The following PPFIBP1 variants were observed in gnomAD, a reference collection of about 807,000 sequenced individuals.
The protein encoded by PPFIBP1 is PPFIB scaffold protein 1.
In PPFIBP1, 112 loss-of-function variants were observed where a neutral mutation model predicts 137.8. That is an observed-to-expected ratio of 0.81 (90% CI 0.70 to 0.95). The LOEUF is 0.95. PPFIBP1 is among the 40% of genes least tolerant of loss of function. PPFIBP1 has a pLI of 0.00. For missense variants in PPFIBP1, 1,083 were observed against 1,196.6 expected, an observed-to-expected ratio of 0.91 and a Z score of 1.40; for synonymous variants, 378 against 417.3, an observed-to-expected ratio of 0.91 and a Z score of 1.15.
chr12:27,595,929 C>A (rs2053236204), intron 2 of PPFIBP1, among the ~76,000 whole-genome samples: 1 of 148,614 alleles, frequency 6.7e-6, no homozygotes, highest in African/African-American at 2.5e-5. Context: ...ATATTTTATG[C>A]CCATACCATC....
At position 27,647,748 on chromosome 12, in the gene PPFIBP1, A is replaced by G; in HGVS notation, c.377A>G (p.Gln126Arg). ...LVLQVSVLTDQVEAQGEKIRD... is the reference protein window; with the variant it reads ...LVLQVSVLTDRVEAQGEKIRD... Reference sequence around the variant, plus strand: ...ATACAGGTAAGTGTGTTAACAGACCAGGTGGAGGCTCAGGGAGAGAAGATT... The same window carrying G: ...ATACAGGTAAGTGTGTTAACAGACCGGGTGGAGGCTCAGGGAGAGAAGATT... Residue 126 changes from glutamine (Q) to arginine (R), a missense_variant, in exon 6 of 30, where the codon CAG becomes CGG. Transcript: ENST00000228425. 1 of 1,607,554 alleles carries G rather than the reference A, an allele frequency of 6.2e-7. No individual in the cohort carries two copies. The highest frequency in any genetic ancestry group is 8.5e-7 in the Non-Finnish European group (1 of 1,177,262).
At chr12:27,675,848 G>T (rs576922162) in intron 17 of PPFIBP1, among the ~76,000 whole-genome samples, 3 of 152,118 alleles carry the variant, frequency 2.0e-5, no homozygotes, top group Non-Finnish European at 4.4e-5. Flanking sequence ...GAACCAAAAA[G>T]CTCAAAATAA....
intron 1 of PPFIBP1, among the ~76,000 whole-genome samples, chr12:27,575,196 A>G (rs2136781096): frequency 6.6e-6 from 1 of 152,352 alleles, no homozygotes; most frequent in East Asian, 1.9e-4. Flanking sequence ...GTGTCTTGGA[A>G]AAATCAACCA....
intron 2 of PPFIBP1, among the ~76,000 whole-genome samples, chr12:27,630,051 T>C (rs2057151769): frequency 6.6e-6 from 1 of 152,182 alleles, no homozygotes; most frequent in Non-Finnish European, 1.5e-5. Context: ...TTGATCAAGA[T>C]GGTTGATAAT....
Position 27,680,005 on chromosome 12 carries a change from A to G in PPFIBP1, c.1839A>G (p.Thr613=), listed in dbSNP as rs2060783808. The G allele has an allele frequency of 6.2e-7, 1 of 1,614,154 alleles. No individual in the cohort carries two copies. Among genetic ancestry groups the G allele is most frequent in the Non-Finnish European group, 8.5e-7 (1 of 1,179,984 alleles). The change falls in exon 21 of 30, where the codon ACA becomes ACG. Residue 613 remains threonine (T), a synonymous_variant. Coordinates refer to ENST00000228425, the MANE Select transcript of PPFIBP1 (RefSeq NM_003622.4). ...MSEPEFKRGG[T]RATAGPRLGW... ...AGCCTGAATTCAAAAGAGGAGGGAC[A>G]AGGGCAACCGCGGGGCCCCGATTAG...
intron 2 of PPFIBP1, among the ~76,000 whole-genome samples, chr12:27,612,328 G>GGTTTTT (rs2055209768): frequency 2.3e-5 from 2 of 87,234 alleles, no homozygotes; most frequent in Admixed American, 1.3e-4. Flanking sequence ...CTTTATTGGT[G>GGTTTTT]TTTTTTTTTT....
chr12:27,662,750 C>G (rs1323321955), intron 11 of PPFIBP1, among the ~76,000 whole-genome samples: 3 of 152,134 alleles, frequency 2.0e-5, no homozygotes, highest in African/African-American at 7.2e-5. Flanking sequence ...ATGGGACATT[C>G]TAAAGGAGAT....
intron 2 of PPFIBP1, among the ~76,000 whole-genome samples, chr12:27,613,090 C>T (rs2055335476): frequency 6.6e-6 from 1 of 152,168 alleles, no homozygotes; most frequent in African/African-American, 2.4e-5. Context: ...GGTTTGAGAG[C>T]ATCTCTTAGA....
intron 1 of PPFIBP1, among the ~76,000 whole-genome samples, chr12:27,564,177 T>C (rs1195354964): frequency 6.6e-6 from 1 of 152,180 alleles, no homozygotes; most frequent in African/African-American, 2.4e-5. Context: ...GGCCAATGCT[T>C]ACCTTTTTAC....
intron 2 of PPFIBP1, among the ~76,000 whole-genome samples, chr12:27,590,367 G>C (rs547293039): frequency 3.9e-5 from 6 of 151,948 alleles, no homozygotes; most frequent in African/African-American, 9.7e-5. Context: ...GTACAGACAG[G>C]GTTTTACCAT....
chr12:27,615,411 A>G (rs2055635022), intron 2 of PPFIBP1, among the ~76,000 whole-genome samples: 1 of 152,226 alleles, frequency 6.6e-6, no homozygotes, highest in Non-Finnish European at 1.5e-5. Flanking sequence ...GTGGAATTCA[A>G]GACCAATTTG....
At chr12:27,551,109 A>G (rs1470795653) in intron 1 of PPFIBP1, among the ~76,000 whole-genome samples, 2 of 152,050 alleles carry the variant, frequency 1.3e-5, no homozygotes, top group Non-Finnish European at 2.9e-5. Flanking sequence ...CCAAGATCAC[A>G]TAGCTTGTAG....
chr12:27,601,700 T>A (rs118071975), intron 2 of PPFIBP1, among the ~76,000 whole-genome samples: 1 of 152,302 alleles, frequency 6.6e-6, no homozygotes, highest in Non-Finnish European at 1.5e-5. Context: ...TTATGCATCA[T>A]GAGTTGACAT....
At chr12:27,666,131 C>G (rs1255651686) in intron 12 of PPFIBP1, among the ~76,000 whole-genome samples, 1 of 152,132 alleles carries the variant, frequency 6.6e-6, no homozygotes, top group Admixed American at 6.5e-5. Flanking sequence ...AAAAATCACT[C>G]GTAATTGCAC....
intron 7 of PPFIBP1, among the ~76,000 whole-genome samples, chr12:27,652,828 ATAT>A (rs1320480546): frequency 6.6e-6 from 1 of 152,224 alleles, no homozygotes; most frequent in Admixed American, 6.5e-5. Context: ...CTAAGGACTC[ATAT>A]TATGCAAGGA....
intron 2 of PPFIBP1, among the ~76,000 whole-genome samples, chr12:27,629,252 A>G (rs907272642): frequency 2.6e-5 from 4 of 152,224 alleles, no homozygotes; most frequent in African/African-American, 9.6e-5. Context: ...CCCAGTTAAA[A>G]TAAAGAACTT....
chr12:27,611,785 GCT>G (rs10549025), intron 2 of PPFIBP1, among the ~76,000 whole-genome samples: 56,466 of 137,588 alleles, frequency 0.41, 11,569 homozygotes, highest in Non-Finnish European at 0.5. Context: ...TCAACACTGT[GCT>G]CTCTCTCTCT....
intron 1 of PPFIBP1, chr12:27,548,730 G>A (rs1449918333): frequency 6.6e-6 from 1 of 152,240 alleles, no homozygotes; most frequent in Non-Finnish European, 1.5e-5. Context: ...GGGGACTGGA[G>A]GTGGGGAAGC....
intron 2 of PPFIBP1, among the ~76,000 whole-genome samples, chr12:27,598,230 A>G (rs537415287): frequency 1.3e-5 from 2 of 152,264 alleles, no homozygotes; most frequent in Non-Finnish European, 2.9e-5. Flanking sequence ...AAAAAGTTTA[A>G]TGGACTCACA....
Sources: allele counts gnomAD v4.1 joint callset (sites outside exome capture counted in the v4.1 genomes callset), GRCh38; gene constraint gnomAD v4.1.1; transcripts MANE v1.5; gene names NCBI Gene and HGNC (gene_info 2026-07-23, HGNC 2026-07-21).